SIPA1L2: variants seen among roughly 807,000 people sequenced by gnomAD.
SIPA1L2 encodes the protein signal induced proliferation associated 1 like 2.
In SIPA1L2, 56 loss-of-function variants were observed where a neutral mutation model predicts 163.9. The ratio of observed to expected loss-of-function variants is 0.34; its 90% CI spans 0.28 to 0.43. The LOEUF (loss-of-function observed/expected upper bound fraction) is 0.43, where lower values mean the gene tolerates loss of function less well. Ranked by LOEUF, SIPA1L2 falls within the 20% of genes least tolerant of loss-of-function variation. The pLI is 1.00. For missense variants in SIPA1L2, 1,974 were observed against 2,193.5 expected, an observed-to-expected ratio of 0.90 and a Z score of 2.00; for synonymous variants, 877 against 865.7, an observed-to-expected ratio of 1.01 and a Z score of -0.23.
intron 22 of SIPA1L2, among the ~76,000 whole-genome samples, chr1:232,401,426 A>G: frequency 6.6e-6 from 1 of 152,200 alleles, no homozygotes; most frequent in Non-Finnish European, 1.5e-5. Flanking sequence ...GTTGGTTTAC[A>G]CGCTGTGGTG....
intron 4 of SIPA1L2, among the ~76,000 whole-genome samples, chr1:232,492,303 A>C (rs1025496778): frequency 6.6e-6 from 1 of 152,224 alleles, no homozygotes; most frequent in African/African-American, 2.4e-5. Flanking sequence ...AAAATGAGCT[A>C]AAAGGATAAA....
intron 2 of SIPA1L2, among the ~76,000 whole-genome samples, chr1:232,547,584 G>A (rs983065812): frequency 6.7e-6 from 1 of 149,114 alleles, no homozygotes; most frequent in African/African-American, 2.5e-5. Context: ...GGCTGGGTGG[G>A]GGCTGGGGGG....
At chr1:232,485,056 G>A (rs12402647) in intron 5 of SIPA1L2, among the ~76,000 whole-genome samples, 38,285 of 152,070 alleles carry the variant, frequency 0.25, 4,948 homozygotes, top group Admixed American at 0.35. Context: ...GGCATGCAAC[G>A]TCTGCCTGGG....
At chr1:232,432,668 G>A (rs56212756) in intron 15 of SIPA1L2, among the ~76,000 whole-genome samples, 197 bp from the exon 16 acceptor site, 2,542 of 152,300 alleles carry the variant, frequency 0.017, 87 homozygotes, top group African/African-American at 0.058. Flanking sequence ...GGTTACTCAC[G>A]TGCAAGTTGT....
intron 2 of SIPA1L2, among the ~76,000 whole-genome samples, chr1:232,549,548 T>C: frequency 6.6e-6 from 1 of 152,118 alleles, no homozygotes; most frequent in East Asian, 1.9e-4. Flanking sequence ...GAAATCAGCA[T>C]GTTATCTGAT....
intron 3 of SIPA1L2, among the ~76,000 whole-genome samples, chr1:232,512,850 G>A (rs1204628194): frequency 6.6e-6 from 1 of 152,206 alleles, no homozygotes; most frequent in African/African-American, 2.4e-5. Flanking sequence ...CCAGCTATCT[G>A]TGCTAGAAGC....
chr1:232,495,329 C>T (rs1041498370), intron 3 of SIPA1L2, among the ~76,000 whole-genome samples: 5 of 151,964 alleles, frequency 3.3e-5, no homozygotes, highest in South Asian at 2.1e-4. Flanking sequence ...TTTGGGAGGC[C>T]GAGGCGGGCG....
At chr1:232,512,919 T>A (rs982336261) in intron 3 of SIPA1L2, among the ~76,000 whole-genome samples, 14 of 152,312 alleles carry the variant, frequency 9.2e-5, no homozygotes, top group African/African-American at 3.1e-4. Flanking sequence ...ACCCTCTGCC[T>A]CCTCAGGCAC....
intron 10 of SIPA1L2, among the ~76,000 whole-genome samples, chr1:232,451,184 G>A (rs995168147): frequency 3.3e-5 from 5 of 152,118 alleles, no homozygotes; most frequent in African/African-American, 7.2e-5. Flanking sequence ...ACTCAGTTCC[G>A]TTCCATATAT....
chr1:232,484,978 T>A (rs557022795), intron 5 of SIPA1L2, among the ~76,000 whole-genome samples: 2 of 152,328 alleles, frequency 1.3e-5, no homozygotes, highest in South Asian at 4.1e-4. Context: ...TCATTTCCCT[T>A]GAGCAGCAAA....
chr1:232,578,207 C>T (rs1660178435), intron 1 of SIPA1L2, among the ~76,000 whole-genome samples: 1 of 152,030 alleles, frequency 6.6e-6, no homozygotes, highest in African/African-American at 2.4e-5. Context: ...CATAATGCTA[C>T]TGCATACCTA....
intron 3 of SIPA1L2, among the ~76,000 whole-genome samples, chr1:232,500,224 T>C (rs924287635): frequency 4.6e-5 from 7 of 152,258 alleles, no homozygotes; most frequent in Admixed American, 4.6e-4. Context: ...GACAGAAATA[T>C]ATAAGGAGAT....
intron 4 of SIPA1L2, among the ~76,000 whole-genome samples, chr1:232,491,929 C>A (rs896291864): frequency 6.6e-6 from 1 of 152,110 alleles, no homozygotes; most frequent in Non-Finnish European, 1.5e-5. Flanking sequence ...ATTAAACACT[C>A]GAAATCACTA....
chr1:232,570,465 G>A (rs867108761), intron 2 of SIPA1L2, among the ~76,000 whole-genome samples: 1 of 152,182 alleles, frequency 6.6e-6, no homozygotes. Flanking sequence ...GTTAACTGGA[G>A]AATAAAGGTC....
chr1:232,542,666 C>A (rs963318458), intron 2 of SIPA1L2, among the ~76,000 whole-genome samples: 3 of 152,210 alleles, frequency 2.0e-5, no homozygotes, highest in Middle Eastern at 3.2e-3. Flanking sequence ...GTTAAAGGAA[C>A]TGAGGCCAAA....
At chr1:232,417,120 T>C (rs1220842829) in intron 18 of SIPA1L2, among the ~76,000 whole-genome samples, 1 of 152,166 alleles carries the variant, frequency 6.6e-6, no homozygotes, top group Non-Finnish European at 1.5e-5. Flanking sequence ...ATTAACCAAA[T>C]GCACCTGTAA....
intron 1 of SIPA1L2, among the ~76,000 whole-genome samples, chr1:232,606,568 G>C (rs1661932408): frequency 6.6e-6 from 1 of 150,946 alleles, no homozygotes; most frequent in Non-Finnish European, 1.5e-5. Context: ...ATAAAATAAT[G>C]TAGGTATATA....
At chr1:232,589,185 C>T (rs1660839380) in intron 1 of SIPA1L2, among the ~76,000 whole-genome samples, 1 of 152,202 alleles carries the variant, frequency 6.6e-6, no homozygotes, top group Admixed American at 6.5e-5. Flanking sequence ...TGACAAAACG[C>T]AGTTTCATTT....
At chr1:232,569,690 G>A (rs367947234) in intron 2 of SIPA1L2, among the ~76,000 whole-genome samples, 4 of 152,194 alleles carry the variant, frequency 2.6e-5, no homozygotes, top group African/African-American at 7.2e-5. Flanking sequence ...GCGCATGCCT[G>A]TAGTCCCAGC....
Sources: allele counts gnomAD v4.1 joint callset (sites outside exome capture counted in the v4.1 genomes callset), GRCh38; gene constraint gnomAD v4.1.1; transcripts MANE v1.5; gene names NCBI Gene and HGNC (gene_info 2026-07-23, HGNC 2026-07-21).